The following ZNF439 variants were observed in gnomAD, a reference collection of about 807,000 sequenced individuals.
ZNF439 encodes the protein zinc finger protein 439.
ZNF439 carries 40 observed loss-of-function variants against 47.3 expected under a neutral mutation model. That is an observed-to-expected ratio of 0.85 (90% CI 0.66 to 1.10). ZNF439 has a LOEUF of 1.10. Among genes scored for constraint, ZNF439 ranks in the 50% least tolerant of loss-of-function variants. The probability of loss-of-function intolerance (pLI) is 0.00; values close to 1 mark genes in which losing one functional copy is unlikely to be tolerated. For synonymous variants in ZNF439, 171 were observed against 198.8 expected, an observed-to-expected ratio of 0.86 and a Z score of 1.18; for missense variants, 556 against 601.1, an observed-to-expected ratio of 0.93 and a Z score of 0.78.
intron 1 of ZNF439, chr19:11,858,412 G>A (rs959227136): frequency 1.9e-4 from 28 of 150,822 alleles, no homozygotes; most frequent in African/African-American, 6.6e-4. Context: ...CTTGCAGTGA[G>A]CCGAGATCGC....
In ZNF439 at chr19:11,868,885, A is replaced by G; in HGVS notation, c.*316A>G. 1 of 384,706 alleles carries G rather than the reference A, an allele frequency of 2.6e-6. No individual in the cohort carries two copies. Among genetic ancestry groups the G allele is most frequent in the Non-Finnish European group, 5.0e-6 (1 of 198,260 alleles). 23.8% of individuals were successfully genotyped at this position (384,706 alleles called of 1,614,324 possible). ...TTTCAAATACATGAAAGTTGCACAG[A>G]GGAGAGGCGCCCTAAGAATGTAAGC... On this transcript the variant is annotated 3_prime_UTR_variant, in exon 4 of 4. Coordinates refer to ENST00000682736, the MANE Select transcript of ZNF439 (RefSeq NM_001348719.2).
chr19:11,856,186 G>A (rs1201608715), intron 1 of ZNF439: 2 of 152,176 alleles, frequency 1.3e-5, no homozygotes, highest in South Asian at 2.1e-4. Context: ...CAGACCAGGA[G>A]TCAAACAATT....
chr19:11,858,985 C>T (rs1414566530), intron 1 of ZNF439, among the ~76,000 whole-genome samples: 2 of 152,194 alleles, frequency 1.3e-5, no homozygotes, highest in Non-Finnish European at 2.9e-5. Context: ...TTAGCCATTG[C>T]TTGACCTAAC....
chr19:11,849,106 C>A, intron 1 of ZNF439, 176 bp downstream of exon 1: 1 of 1,181,046 alleles, frequency 8.5e-7, no homozygotes, highest in South Asian at 1.7e-5. Context: ...CTCCGGGCGT[C>A]CTGTCCCGTC....
At chr19:11,854,214 C>T (rs1164332292) in intron 1 of ZNF439, among the ~76,000 whole-genome samples, 2 of 152,174 alleles carry the variant, frequency 1.3e-5, no homozygotes, top group African/African-American at 4.8e-5. Flanking sequence ...TGTATGCATC[C>T]AGTTCTGCAC....
At chr19:11,861,192 A>G (rs2145172864) in intron 1 of ZNF439, among the ~76,000 whole-genome samples, 1 of 152,310 alleles carries the variant, frequency 6.6e-6, no homozygotes, top group Middle Eastern at 3.4e-3. Flanking sequence ...CATGAGAGGA[A>G]AGCAGAGAAT....
At position 11,869,118 on chromosome 19, in the gene ZNF439, CA is replaced by C. The variant is rs546921869; in HGVS notation, c.*550del. On this transcript the variant is annotated 3_prime_UTR_variant, in exon 4 of 4. Transcript: ENST00000682736. The stretch of plus-strand genomic sequence containing the variant: ...CAGCTTGCTTAATTGCTTTCATAGA[CA>C]TGTAAAGACACACCAGAAGGAAACC... 109 of 213,710 alleles carry C rather than the reference CA, an allele frequency of 5.1e-4. No individual in the cohort carries two copies. Among genetic ancestry groups the C allele is most frequent in the Non-Finnish European group, 9.8e-4 (97 of 98,782 alleles). 13.2% of individuals were successfully genotyped at this position (213,710 alleles called of 1,614,324 possible).
intron 1 of ZNF439, among the ~76,000 whole-genome samples, chr19:11,853,307 A>G (rs897283313): frequency 3.3e-5 from 5 of 152,194 alleles, no homozygotes; most frequent in African/African-American, 1.2e-4. Flanking sequence ...TGGATTGAAC[A>G]AAGGAGGACG....
chr19:11,854,683 A>T (rs1318414664), intron 1 of ZNF439, among the ~76,000 whole-genome samples: 1 of 151,964 alleles, frequency 6.6e-6, no homozygotes, highest in South Asian at 2.1e-4. Flanking sequence ...GCTTGAACCC[A>T]GGAGGCAGAG....
chr19:11,865,581 T>C (rs1976650847), intron 1 of ZNF439, among the ~76,000 whole-genome samples: 1 of 151,176 alleles, frequency 6.6e-6, no homozygotes, highest in Non-Finnish European at 1.5e-5. Flanking sequence ...GATACACAGC[T>C]TCAGGACTGC....
chr19:11,851,979 C>A (rs1976258713), intron 1 of ZNF439, among the ~76,000 whole-genome samples: 1 of 152,112 alleles, frequency 6.6e-6, no homozygotes, highest in Non-Finnish European at 1.5e-5. Context: ...TTGCTTTTTT[C>A]CCCCAGAGCT....
rs1013723179 is a variant in ZNF439, at chr19:11,867,530, G to A, written c.476G>A (p.Gly159Glu). ...AAGGCATGTGAATGTCAGGAATATGGACCAAAGCCATGGAAGAGTCAACAA... is the reference window on the plus strand; with the variant it reads ...AAGGCATGTGAATGTCAGGAATATGAACCAAAGCCATGGAAGAGTCAACAA... Reference protein sequence around the residue: ...GHKACECQEYGPKPWKSQQPK... With the variant: ...GHKACECQEYEPKPWKSQQPK... Residue 159 changes from glycine to glutamate, a missense_variant, in exon 4 of 4, where the codon GGA becomes GAA. Coordinates refer to ENST00000682736, the MANE Select transcript of ZNF439 (RefSeq NM_001348719.2). 2.5e-6 allele frequency: 4 copies of A among 1,614,162 alleles called. No individual in the cohort carries two copies. The highest frequency in any genetic ancestry group is 3.4e-6 in the Non-Finnish European group (4 of 1,180,040).
At chr19:11,856,881 A>G (rs1478656482) in intron 1 of ZNF439, 2 of 152,272 alleles carry the variant, frequency 1.3e-5, no homozygotes, top group East Asian at 3.8e-4. Flanking sequence ...CATGAGAGCG[A>G]ACAGCTTGTT....
chr19:11,848,848 G>A lies in ZNF439; in HGVS notation c.-20G>A, dbSNP rs1976146170. ...ACCTAGTGCCTCTACCCAGATTTCT[G>A]TCGCTCTGTCACCTGCGCTATGCCC... is the stretch of plus-strand genomic sequence containing the variant. On this transcript the variant is annotated 5_prime_UTR_variant, in exon 1 of 4. Transcript: ENST00000682736. 1 of 1,547,174 alleles carries A rather than the reference G, an allele frequency of 6.5e-7. No homozygotes were observed. The highest frequency in any genetic ancestry group is 1.1e-5 in the South Asian group (1 of 90,040).
chr19:11,848,826 T>C lies in ZNF439; in HGVS notation c.-42T>C. ...GGCCTTTCCAGCCCCGAGAGGGACC[T>C]AGTGCCTCTACCCAGATTTCTGTCG... On this transcript the variant is annotated 5_prime_UTR_variant, in exon 1 of 4. The change abolishes the stop of an existing upstream ORF in the 5' untranslated region. Transcript: ENST00000682736. 6.6e-7 allele frequency: 1 copy of C among 1,513,752 alleles called. No homozygotes were observed. The allele number at this position is 1,513,752 out of a possible 1,614,324, so 93.8% of individuals were successfully genotyped here.
chr19:11,868,775 C>A lies in ZNF439; in HGVS notation c.*206C>A. The A allele has an allele frequency of 1.1e-5, 7 of 626,990 alleles. No individual in the cohort carries two copies. The highest frequency in any genetic ancestry group is 1.4e-5 in the Non-Finnish European group (5 of 347,498). 38.8% of individuals were successfully genotyped at this position (626,990 alleles called of 1,614,324 possible). ...GGAAAGTCTTCAGATCTGTCAAGAA[C>A]CTTTCAATTTATGAAAGGACACACA... On this transcript the variant is annotated 3_prime_UTR_variant, in exon 4 of 4. Coordinates refer to ENST00000682736, the MANE Select transcript of ZNF439 (RefSeq NM_001348719.2).
intron 1 of ZNF439, 113 bp downstream of exon 1, chr19:11,849,043 G>C (rs1308007832): frequency 1.6e-6 from 2 of 1,262,896 alleles, no homozygotes; most frequent in African/African-American, 3.2e-5. Flanking sequence ...TCCTAGAGCT[G>C]CTCGGCCCTC....
rs1310236722 is a variant in ZNF439, at chr19:11,868,629, T to A, written c.*60T>A. On this transcript the variant is annotated 3_prime_UTR_variant, in exon 4 of 4. Coordinates refer to ENST00000682736, the MANE Select transcript of ZNF439 (RefSeq NM_001348719.2). ...AAGTTATTTCAAACACATGAAAAAA[T>A]TCACACTGGAGAGAAACCCTATAAA... The A allele has an allele frequency of 1.4e-6, 2 of 1,479,308 alleles. No homozygotes were observed. Among genetic ancestry groups the A allele is most frequent in the East Asian group, 4.7e-5 (2 of 42,118 alleles). The allele number at this position is 1,479,308 out of a possible 1,614,324, so 91.6% of individuals were successfully genotyped here.
intron 1 of ZNF439, among the ~76,000 whole-genome samples, chr19:11,854,730 C>T (rs1976338667): frequency 6.6e-6 from 1 of 151,710 alleles, no homozygotes; most frequent in South Asian, 2.1e-4. Context: ...CGCACTCAAG[C>T]TTGGCAACAG....
Sources: gnomAD v4.1 joint callset for allele counts (sites outside exome capture counted in the v4.1 genomes callset) on GRCh38, gnomAD v4.1.1 for gene constraint, MANE v1.5 for transcripts, NCBI Gene and HGNC (gene_info 2026-07-23, HGNC 2026-07-21) for gene names.